The following ZNF329 variants were observed in gnomAD, a reference collection of about 807,000 sequenced individuals.
ZNF329 encodes zinc finger protein 329.
Under a neutral mutation model 26.6 loss-of-function variants are expected in ZNF329, and 15 were observed. The observed-to-expected ratio is 0.56, with a 90% CI of 0.38 to 0.87. The LOEUF is 0.87. ZNF329 is among the 40% of genes least tolerant of loss of function. ZNF329 has a pLI of 0.00. For missense variants in ZNF329, 651 were observed against 651.9 expected, an observed-to-expected ratio of 1.00 and a Z score of 0.02; for synonymous variants, 239 against 233.5, an observed-to-expected ratio of 1.02 and a Z score of -0.21.
chr19:58,137,645 A>G (rs116184246), intron 3 of ZNF329, among the ~76,000 whole-genome samples: 2,796 of 152,018 alleles, frequency 0.018, 81 homozygotes, highest in African/African-American at 0.063. Context: ...ATTTGAAAAG[A>G]CAAATGAAAG....
chr19:58,137,382 C>T (rs1316935637), intron 3 of ZNF329, among the ~76,000 whole-genome samples: 3 of 151,906 alleles, frequency 2.0e-5, no homozygotes, highest in Admixed American at 6.6e-5. Context: ...GGTGACACCT[C>T]GTCTCTACTA....
At position 58,129,506 on chromosome 19, in the gene ZNF329, C is replaced by A. The variant is rs375140178; in HGVS notation, c.-3G>T. On this transcript the variant is annotated 5_prime_UTR_variant, in exon 4 of 4. Coordinates refer to ENST00000598312, the MANE Select transcript of ZNF329 (RefSeq NM_024620.4). ...CGAGTCGTCATTTTCAATCTCATATCCCAAACTGCAAAAAGAAGAAAAATG... is the reference window on the plus strand; with the variant it reads ...CGAGTCGTCATTTTCAATCTCATATACCAAACTGCAAAAAGAAGAAAAATG... The A allele has an allele frequency of 3.2e-6, 5 of 1,577,994 alleles. No individual in the cohort carries two copies. Among genetic ancestry groups the A allele is most frequent in the Non-Finnish European group, 4.3e-6 (5 of 1,163,412 alleles).
At chr19:58,144,394 A>ATTT (rs932312099) in intron 1 of ZNF329, among the ~76,000 whole-genome samples, 21 of 113,548 alleles carry the variant, frequency 1.8e-4, no homozygotes, top group African/African-American at 6.5e-4. Context: ...ATATATATAT[A>ATTT]TATTTTTTTT....
chr19:58,133,561 G>C (rs1318092877), intron 3 of ZNF329, among the ~76,000 whole-genome samples: 1 of 151,264 alleles, frequency 6.6e-6, no homozygotes, highest in Non-Finnish European at 1.5e-5. Flanking sequence ...CTGGACAACA[G>C]TGAGACTGTC....
chr19:58,132,756 G>C (rs1429541359), intron 3 of ZNF329: 1 of 151,444 alleles, frequency 6.6e-6, no homozygotes, highest in Non-Finnish European at 1.5e-5. Context: ...GTATCTCAGA[G>C]TCAGAAAGCT....
intron 3 of ZNF329, among the ~76,000 whole-genome samples, chr19:58,135,995 G>A (rs997168257): frequency 2.6e-5 from 4 of 152,196 alleles, no homozygotes; most frequent in African/African-American, 9.6e-5. Flanking sequence ...CACTTTAGGG[G>A]GCAGAGGCAG....
rs960322312 is a variant in ZNF329, at chr19:58,147,644, G to T, written c.-208+3108C>A. On this transcript the variant is annotated intron_variant, in intron 1 of 3. Coordinates refer to ENST00000598312, the MANE Select transcript of ZNF329 (RefSeq NM_024620.4). ...CAGACGCCCCGTCCAGGAGGGAGGT[G>T]GGGGGCCAGCCCCCCGCCCGGCCAG... Among the ~76,000 whole-genome samples, 24 of 145,562 alleles carry T rather than the reference G, an allele frequency of 1.6e-4. 1 individual carries two copies. The highest frequency in any genetic ancestry group is 4.3e-4 in the South Asian group (2 of 4,666).
intron 1 of ZNF329, among the ~76,000 whole-genome samples, chr19:58,145,004 C>T (rs1391860453): frequency 6.6e-6 from 1 of 151,750 alleles, no homozygotes; most frequent in African/African-American, 2.4e-5. Flanking sequence ...TGCCTGCCAC[C>T]ATGCCTGGCT....
chr19:58,130,443 T>C (rs1190858736), intron 3 of ZNF329, among the ~76,000 whole-genome samples: 1 of 151,452 alleles, frequency 6.6e-6, no homozygotes, highest in Non-Finnish European at 1.5e-5. Context: ...GAGGCCGAGG[T>C]GGGCAGATCA....
In ZNF329 at chr19:58,127,053, G is replaced by A. The variant is rs1324014516; in HGVS notation, c.*825C>T. On this transcript the variant is annotated 3_prime_UTR_variant, in exon 4 of 4. Transcript: ENST00000598312. ...CAACGAGTCCTCAGCATTATTGCAG[G>A]AGTATAATGCAGACATACATTCAAA... 2 of 152,342 alleles carry A rather than the reference G, an allele frequency of 1.3e-5. No individual in the cohort carries two copies. Among genetic ancestry groups the A allele is most frequent in the Admixed American group, 6.5e-5 (1 of 15,288 alleles). 9.4% of individuals were successfully genotyped at this position (152,342 alleles called of 1,614,324 possible). A position where few individuals can be genotyped will look rare whatever the true frequency, so the allele number is the denominator to read the frequency against.
intron 3 of ZNF329, chr19:58,136,866 TG>T: frequency 6.0e-6 from 1 of 166,678 alleles, no homozygotes. Context: ...TTCTGGGATG[TG>T]GGTAACGCAT....
At chr19:58,154,232 C>A (rs2075505704), upstream of ZNF329, among the ~76,000 whole-genome samples, 1 of 152,158 alleles carries the variant, frequency 6.6e-6, no homozygotes, top group South Asian at 2.1e-4. Flanking sequence ...TGGTCTACAA[C>A]CCCTGAGCTC....
upstream of ZNF329, among the ~76,000 whole-genome samples, chr19:58,154,391 C>T (rs1263966793): frequency 6.6e-6 from 1 of 152,142 alleles, no homozygotes; most frequent in Non-Finnish European, 1.5e-5. Context: ...ACAGCACTTG[C>T]GCCCAGGGAT....
At position 58,133,713 on chromosome 19, in the gene ZNF329, T is replaced by C. The variant is rs183560574; in HGVS notation, c.-8-4202A>G. ...CAAAGGAATTGATGAATATGATGAATGTGGGCTAGGTGTGGTGACTCACAC... is the reference window on the plus strand; with the variant it reads ...CAAAGGAATTGATGAATATGATGAACGTGGGCTAGGTGTGGTGACTCACAC... On this transcript the variant is annotated intron_variant, in intron 3 of 3. Coordinates refer to ENST00000598312, the MANE Select transcript of ZNF329 (RefSeq NM_024620.4). Among the ~76,000 whole-genome samples the C allele has an allele frequency of 7.4e-3, 1,122 of 152,006 alleles. 3 individuals are homozygous for C. Among genetic ancestry groups the C allele is most frequent in the Non-Finnish European group, 0.012 (834 of 67,962 alleles).
chr19:58,145,030 T>C (rs1452446942), intron 1 of ZNF329, among the ~76,000 whole-genome samples: 1 of 151,860 alleles, frequency 6.6e-6, no homozygotes, highest in East Asian at 2.0e-4. Context: ...TTTGTATTTT[T>C]AGTACAGACG....
intron 1 of ZNF329, among the ~76,000 whole-genome samples, chr19:58,145,314 C>CTTTTT (rs71188087): frequency 5.7e-5 from 6 of 106,178 alleles, no homozygotes; most frequent in African/African-American, 2.1e-4. Context: ...TTTTTTCTTC[C>CTTTTT]TTTTTTTTTT....
At chr19:58,139,149 G>A (rs2075132497) in intron 3 of ZNF329, among the ~76,000 whole-genome samples, 2 of 151,786 alleles carry the variant, frequency 1.3e-5, no homozygotes, top group African/African-American at 2.4e-5. Context: ...AGGCTAACTC[G>A]CCTTGAGGAA....
chr19:58,147,419 T>TGG (rs1232687426), intron 1 of ZNF329, among the ~76,000 whole-genome samples: 2 of 134,404 alleles, frequency 1.5e-5, no homozygotes, highest in Middle Eastern at 5.1e-3. Flanking sequence ...AGGAGGGAGG[T>TGG]GGGGGGCCAG....
chr19:58,134,431 T>C (rs1310409930), intron 3 of ZNF329, among the ~76,000 whole-genome samples: 1 of 152,168 alleles, frequency 6.6e-6, no homozygotes, highest in Non-Finnish European at 1.5e-5. Flanking sequence ...TAAATATAAA[T>C]GGCCTTGATG....
Sources: gnomAD v4.1 joint callset for allele counts (sites outside exome capture counted in the v4.1 genomes callset) on GRCh38, gnomAD v4.1.1 for gene constraint, MANE v1.5 for transcripts, NCBI Gene and HGNC (gene_info 2026-07-23, HGNC 2026-07-21) for gene names.